Variants in DZIP3 observed in about 807,000 individuals in gnomAD.
DZIP3 encodes the protein DAZ interacting zinc finger protein 3.
In DZIP3, 118 loss-of-function variants were observed where a neutral mutation model predicts 162.0. The ratio of observed to expected loss-of-function variants is 0.73; its 90% CI spans 0.63 to 0.85. The LOEUF is 0.85. DZIP3 is among the 40% of genes least tolerant of loss of function. The pLI, the probability that DZIP3 is intolerant of heterozygous loss-of-function variation, is 0.00. For missense variants in DZIP3, 1,331 were observed against 1,407.0 expected (o/e 0.95, Z 0.86); for synonymous variants, 438 against 458.6 (o/e 0.96, Z 0.57).
At position 108,651,149 on chromosome 3, in the gene DZIP3, AAAG is replaced by A. The variant is rs1378917127; in HGVS notation, c.2025_2027del (p.Glu675del). 1.1e-5 allele frequency: 8 copies of A among 757,720 alleles called. No homozygotes were observed. Among genetic ancestry groups the A allele is most frequent in the African/African-American group, 1.9e-5 (1 of 52,244 alleles). The allele number at this position is 757,720 out of a possible 1,614,324, so 46.9% of individuals were successfully genotyped here. A position where few individuals can be genotyped will look rare whatever the true frequency, so the allele number is the denominator to read the frequency against. On this transcript the variant is annotated inframe_deletion, in exon 18 of 33. Coordinates refer to ENST00000361582, the MANE Select transcript of DZIP3 (RefSeq NM_014648.4). ...TGTTATTTTTCAGAATAAAGACTCA[AAAG>A]AAGACCAAGTGTAAGTATTAGTTTA...
At chr3:108,674,308 T>G (rs766145647) in intron 24 of DZIP3, 127 bp downstream of exon 24, 8 of 673,226 alleles carry the variant, frequency 1.2e-5, no homozygotes. Flanking sequence ...GCTCTTGTGG[T>G]TTTTTTGGGT....
chr3:108,671,275 T>C (rs1444116044), intron 22 of DZIP3, among the ~76,000 whole-genome samples: 2 of 151,948 alleles, frequency 1.3e-5, no homozygotes, highest in Non-Finnish European at 2.9e-5. Flanking sequence ...TAATGTACTG[T>C]TATCAAGTTT....
intron 27 of DZIP3, among the ~76,000 whole-genome samples, chr3:108,685,714 T>C (rs1944473503): frequency 6.6e-6 from 1 of 152,160 alleles, no homozygotes; most frequent in Non-Finnish European, 1.5e-5. Flanking sequence ...TTTGGTTGTT[T>C]GAAAAATGTA....
rs375125843 is a variant in DZIP3, at chr3:108,686,511, C to T, written c.3076C>T (p.Arg1026Trp). Residue 1026 changes from arginine (R) to tryptophan (W), a missense_variant, in exon 28 of 33, where the codon CGG (arginine) becomes TGG (tryptophan). Arg to Trp is a moderately radical substitution (Grantham distance 101). Transcript: ENST00000361582. ...GDAVPPSAGLRSDPSIMNWER... is the reference protein window; with the variant it reads ...GDAVPPSAGLWSDPSIMNWER... ...CGCTGTGCCTCCCAGTGCAGGTCTG[C>T]GGAGTGATCCCTCCATCATGAATTG... The T allele has an allele frequency of 1.6e-5, 25 of 1,612,320 alleles. No individual in the cohort carries two copies. The highest frequency in any genetic ancestry group is 2.0e-5 in the Non-Finnish European group (24 of 1,179,498).
At chr3:108,614,028 G>T (rs1441383036) in intron 4 of DZIP3, among the ~76,000 whole-genome samples, 1 of 152,124 alleles carries the variant, frequency 6.6e-6, no homozygotes, top group African/African-American at 2.4e-5. Context: ...ATTAGAAAAA[G>T]AAGCAAGGTT....
At chr3:108,602,284 A>T (rs975963727) in intron 1 of DZIP3, among the ~76,000 whole-genome samples, 1 of 152,230 alleles carries the variant, frequency 6.6e-6, no homozygotes, top group Non-Finnish European at 1.5e-5. Flanking sequence ...ACTAAAAAAA[A>T]TTGTTAAAAT....
chr3:108,636,763 A>G (rs983053573), intron 11 of DZIP3, 55 bp downstream of exon 11: 2 of 1,314,400 alleles, frequency 1.5e-6, no homozygotes, highest in Non-Finnish European at 2.1e-6. Context: ...CCTTGGAAAA[A>G]TATTTTTGAC....
chr3:108,673,586 CGA>C (rs1944001078), intron 23 of DZIP3, among the ~76,000 whole-genome samples: 1 of 151,824 alleles, frequency 6.6e-6, no homozygotes, highest in South Asian at 2.1e-4. Context: ...ATTCCTGCTG[CGA>C]GAGAGACACT....
chr3:108,670,742 CAG>C (rs1401789165), intron 22 of DZIP3, among the ~76,000 whole-genome samples: 4 of 151,894 alleles, frequency 2.6e-5, no homozygotes, highest in Non-Finnish European at 5.9e-5. Context: ...ATCCTATAAA[CAG>C]TGTATGAGGG....
chr3:108,605,509 G>A, intron 2 of DZIP3, 71 bp downstream of exon 2: 3 of 1,505,498 alleles, frequency 2.0e-6, no homozygotes, highest in Non-Finnish European at 2.8e-6. Flanking sequence ...TCCACGGATG[G>A]TGGGGGTGCG....
chr3:108,621,365 C>T (rs747987666), intron 5 of DZIP3, among the ~76,000 whole-genome samples: 8 of 152,066 alleles, frequency 5.3e-5, no homozygotes, highest in Non-Finnish European at 8.8e-5. Flanking sequence ...TTGATGCAGG[C>T]ATACAATACA....
chr3:108,675,697 T>C, intron 24 of DZIP3, 89 bp from the exon 25 acceptor site: 1 of 1,126,044 alleles, frequency 8.9e-7, no homozygotes, highest in African/African-American at 1.6e-5. Context: ...TTTGTTGACA[T>C]ATATGCTAGA....
intron 26 of DZIP3, among the ~76,000 whole-genome samples, 157 bp downstream of exon 26, chr3:108,677,755 A>G (rs1038378479): frequency 6.6e-6 from 1 of 152,066 alleles, no homozygotes; most frequent in African/African-American, 2.4e-5. Flanking sequence ...CCTTCGAGTC[A>G]CCAGATGATA....
At chr3:108,646,389 C>A (rs890733010) in intron 14 of DZIP3, among the ~76,000 whole-genome samples, 3 of 152,078 alleles carry the variant, frequency 2.0e-5, no homozygotes, top group African/African-American at 7.2e-5. Context: ...TCTGTGATAC[C>A]ACATTTTTGT....
At chr3:108,639,579 A>G (rs557920286) in intron 12 of DZIP3, among the ~76,000 whole-genome samples, 1 of 152,050 alleles carries the variant, frequency 6.6e-6, no homozygotes, top group South Asian at 2.1e-4. Flanking sequence ...CTTAGTAGTC[A>G]TGGTTCCATT....
At chr3:108,681,796 T>A (rs1411364402) in intron 26 of DZIP3, among the ~76,000 whole-genome samples, 1 of 145,164 alleles carries the variant, frequency 6.9e-6, no homozygotes, top group East Asian at 1.9e-4. Context: ...TGGATGAAGT[T>A]AGAAGTCACC....
At chr3:108,669,565 T>G (rs1217905446) in intron 21 of DZIP3, 116 bp from the exon 22 acceptor site, 10 of 810,926 alleles carry the variant, frequency 1.2e-5, no homozygotes, top group Non-Finnish European at 1.5e-5. Context: ...GGCTCAAGAT[T>G]TGTGGCCCCA....
intron 1 of DZIP3, among the ~76,000 whole-genome samples, chr3:108,599,172 T>C (rs1939861875): frequency 1.3e-5 from 2 of 152,216 alleles, no homozygotes; most frequent in African/African-American, 4.8e-5. Context: ...AGCAGATATA[T>C]TGCTAACAGT....
At chr3:108,590,261 C>T (rs1005276539) in intron 1 of DZIP3, among the ~76,000 whole-genome samples, 1 of 152,080 alleles carries the variant, frequency 6.6e-6, no homozygotes, top group East Asian at 1.9e-4. Flanking sequence ...GAGCTTTTTG[C>T]TTAATATTTC....
Sources: allele counts gnomAD v4.1 joint callset (sites outside exome capture counted in the v4.1 genomes callset), GRCh38; gene constraint gnomAD v4.1.1; transcripts MANE v1.5; gene names NCBI Gene and HGNC (gene_info 2026-07-23, HGNC 2026-07-21).